Variants in ATP13A1 observed in about 807,000 individuals in gnomAD.
ATP13A1 encodes the protein endoplasmic reticulum transmembrane helix translocase.
ATP13A1 carries 55 observed loss-of-function variants against 134.8 expected under a neutral mutation model. That is an observed-to-expected ratio of 0.41 (90% CI 0.33 to 0.51). The LOEUF (loss-of-function observed/expected upper bound fraction) is 0.51, where lower values mean the gene tolerates loss of function less well. ATP13A1 is among the 20% of genes least tolerant of loss of function. The pLI is 0.29. For missense variants in ATP13A1, 1,389 were observed against 1,652.8 expected (o/e 0.84, Z 2.77); for synonymous variants, 775 against 725.1 (o/e 1.07, Z -1.10).
chr19:19,654,409 G>T, intron 13 of ATP13A1, 134 bp downstream of exon 13: 2 of 1,206,286 alleles, frequency 1.7e-6, no homozygotes, highest in South Asian at 1.6e-5. Flanking sequence ...TGAGCCTCTG[G>T]CCACCCACCT....
chr19:19,651,397 G>A (rs111477856), intron 17 of ATP13A1: 27 of 273,146 alleles, frequency 9.9e-5, no homozygotes, highest in African/African-American at 2.6e-4. Context: ...GGGAGTAAGC[G>A]TGGTAGGAGC....
In ATP13A1 at chr19:19,653,515, G is replaced by C. The variant is rs2062037606; in HGVS notation, c.2100+269C>G. ...GAGGATGCCACCTAGCCCTGCCCAA[G>C]ACCAGGGCAAAAGAGTAGAGCTAGG... On this transcript the variant is annotated intron_variant, in intron 15 of 25. Coordinates refer to ENST00000357324, the MANE Select transcript of ATP13A1 (RefSeq NM_020410.3). This position sits in a 1 kb window ranked among gnomAD's most constrained non-coding sequence, Gnocchi z 4.2. 5.9e-6 allele frequency: 3 copies of C among 511,862 alleles called. No homozygotes were observed. The highest frequency in any genetic ancestry group is 6.8e-5 in the East Asian group (2 of 29,322). The allele number at this position is 511,862 out of a possible 1,614,324, so 31.7% of individuals were successfully genotyped here. A position where few individuals can be genotyped will look rare whatever the true frequency, so the allele number is the denominator to read the frequency against.
chr19:19,659,526 G>C (rs1320610297), intron 3 of ATP13A1, 75 bp downstream of exon 3: 1 of 1,239,976 alleles, frequency 8.1e-7, no homozygotes, highest in East Asian at 2.4e-5. Context: ...CCTCTGTCCC[G>C]CTTCCTAGGC....
rs780048743 is a variant in ATP13A1 at position 19,647,110 on chromosome 19, C to T, written c.3105+19G>A. ...GCAGGCCCATGCATCCCTGGCCTTC[C>T]AGCACCTCTGGGGCCCACCTTGGAA... On this transcript the variant is annotated intron_variant, in intron 22 of 25. Coordinates refer to ENST00000357324, the MANE Select transcript of ATP13A1 (RefSeq NM_020410.3). This position sits in a 1 kb window ranked among gnomAD's most constrained non-coding sequence, Gnocchi z 4.8. The T allele has an allele frequency of 1.6e-4, 252 of 1,600,284 alleles. No homozygotes were observed. Among genetic ancestry groups the T allele is most frequent in the Non-Finnish European group, 2.1e-4 (244 of 1,173,164 alleles).
At chr19:19,658,180 A>C (rs1241125902) in intron 3 of ATP13A1, among the ~76,000 whole-genome samples, 3 of 148,184 alleles carry the variant, frequency 2.0e-5, no homozygotes, top group Admixed American at 6.7e-5. Flanking sequence ...AAAAGGCTCG[A>C]GAATGCAAGG....
intron 1 of ATP13A1, among the ~76,000 whole-genome samples, chr19:19,661,287 C>T (rs2062093096): frequency 6.6e-6 from 1 of 152,166 alleles, no homozygotes; most frequent in Non-Finnish European, 1.5e-5. Flanking sequence ...GCCCCCGCCC[C>T]ATCACAGGCC....
In ATP13A1 at chr19:19,645,402, TG is replaced by T; in HGVS notation, c.*19del. On this transcript the variant is annotated 3_prime_UTR_variant, in exon 26 of 26. Transcript: ENST00000357324. This position sits in a 1 kb window ranked among gnomAD's most constrained non-coding sequence, Gnocchi z 4.1. ...GCCCAGCGGCAGCCAGGGTGGGCAGTGGGTACCAGCACTGCCATCTCAGGAA... is the reference window on the plus strand; with the variant it reads ...GCCCAGCGGCAGCCAGGGTGGGCAGTGGTACCAGCACTGCCATCTCAGGAA... 6.3e-7 allele frequency: 1 copy of T among 1,579,028 alleles called. No homozygotes were observed. Among genetic ancestry groups the T allele is most frequent in the Non-Finnish European group, 8.6e-7 (1 of 1,164,252 alleles).
In ATP13A1 at chr19:19,653,496, G is replaced by A. The variant is rs1282451206; in HGVS notation, c.2100+288C>T. The A allele has an allele frequency of 4.4e-6, 2 of 450,446 alleles. No homozygotes were observed. The highest frequency in any genetic ancestry group is 4.0e-5 in the African/African-American group (2 of 49,920). The allele number at this position is 450,446 out of a possible 1,614,324, so 27.9% of individuals were successfully genotyped here. On this transcript the variant is annotated intron_variant, in intron 15 of 25. Transcript: ENST00000357324. This position sits in a 1 kb window ranked among gnomAD's most constrained non-coding sequence, Gnocchi z 4.2. ...ATGGATGGGTGAGAGGGCTGAGGAT[G>A]CCACCTAGCCCTGCCCAAGACCAGG...
In ATP13A1 at chr19:19,653,361, T is replaced by A; in HGVS notation, c.2100+423A>T. 8.6e-6 allele frequency: 2 copies of A among 231,396 alleles called. No homozygotes were observed. Among genetic ancestry groups the A allele is most frequent in the Non-Finnish European group, 1.7e-5 (2 of 116,166 alleles). 14.3% of individuals were successfully genotyped at this position (231,396 alleles called of 1,614,324 possible). A position where few individuals can be genotyped will look rare whatever the true frequency, so the allele number is the denominator to read the frequency against. ...CACAGTACTGCAACCTGAGGCTAAA[T>A]TCTGGAAGGATCCGCAGCTGTAGGG... On this transcript the variant is annotated intron_variant, in intron 15 of 25. Coordinates refer to ENST00000357324, the MANE Select transcript of ATP13A1 (RefSeq NM_020410.3). The surrounding 1 kb of genome is among the most constrained non-coding windows in gnomAD (Gnocchi z 4.2).
intron 3 of ATP13A1, 63 bp from the exon 4 acceptor site, chr19:19,657,471 C>T (rs2062067106): frequency 2.7e-6 from 4 of 1,475,074 alleles, no homozygotes; most frequent in African/African-American, 2.8e-5. Context: ...GAGTCTCCAC[C>T]CTGACCCCTC....
In ATP13A1 at chr19:19,657,369, C is replaced by T. The variant is rs1184779470; in HGVS notation, c.717G>A (p.Lys239=). The T allele has an allele frequency of 1.0e-5, 16 of 1,573,920 alleles. No individual in the cohort carries two copies. Among genetic ancestry groups the T allele is most frequent in the African/African-American group, 2.7e-5 (2 of 73,932 alleles). ...MVVPDFSELF[K]ERATAPFFVF... ...CAAAGAAGGGGGCTGTGGCTCTCTCCTTGAAAAGCTCCGAGAAGTCAGGCA... is the reference window on the plus strand; with the variant it reads ...CAAAGAAGGGGGCTGTGGCTCTCTCTTTGAAAAGCTCCGAGAAGTCAGGCA... Residue 239 remains lysine, a synonymous_variant, in exon 4 of 26, where the codon AAG becomes AAA. Coordinates refer to ENST00000357324, the MANE Select transcript of ATP13A1 (RefSeq NM_020410.3).
In ATP13A1 at chr19:19,657,107, A is replaced by G. The variant is rs2062064113; in HGVS notation, c.793T>C (p.Tyr265His). 1 of 1,522,374 alleles carries G rather than the reference A, an allele frequency of 6.6e-7. No homozygotes were observed. 94.3% of individuals were successfully genotyped at this position (1,522,374 alleles called of 1,614,324 possible). ...GLWCLDEYWY[Y>H]SVFTLSMLVA... ...AGCATGGATAGCGTAAAGACGCTGT[A>G]GTACCAGTACTCATCCAGGCACCAG... The change falls in exon 5 of 26, where the codon TAC becomes CAC. Residue 265 changes from tyrosine (Y) to histidine (H), a missense_variant. Tyr to His is a moderately conservative substitution (Grantham distance 83). This residue lies in a region of ATP13A1 where 747 missense variants were observed against 956.1 expected (regional missense o/e 0.78). Coordinates refer to ENST00000357324, the MANE Select transcript of ATP13A1 (RefSeq NM_020410.3).
rs1437972315 is a variant in ATP13A1, at chr19:19,654,465, G to A, written c.1813+78C>T. On this transcript the variant is annotated intron_variant, in intron 13 of 25. Transcript: ENST00000357324. ...GGCCTGCCTGTCCCCAAGATGCTCTGAGGGGTGCAGCCCACCTGCCTAGGG... is the reference window on the plus strand; with the variant it reads ...GGCCTGCCTGTCCCCAAGATGCTCTAAGGGGTGCAGCCCACCTGCCTAGGG... 4.7e-6 allele frequency: 7 copies of A among 1,484,018 alleles called. No individual in the cohort carries two copies. In the East Asian group the frequency reaches 1.6e-4, roughly 34 times the overall value. The allele number at this position is 1,484,018 out of a possible 1,614,324, so 91.9% of individuals were successfully genotyped here. A position where few individuals can be genotyped will look rare whatever the true frequency, so the allele number is the denominator to read the frequency against.
chr19:19,653,464 G>A lies in ATP13A1; in HGVS notation c.2100+320C>T. 1 of 401,112 alleles carries A rather than the reference G, an allele frequency of 2.5e-6. No homozygotes were observed. The highest frequency in any genetic ancestry group is 3.7e-5 in the South Asian group (1 of 26,774). 24.8% of individuals were successfully genotyped at this position (401,112 alleles called of 1,614,324 possible). A position where few individuals can be genotyped will look rare whatever the true frequency, so the allele number is the denominator to read the frequency against. ...GTGGTGGAGGCGGAGGGTGGGCTTT[G>A]TGGAGGATGGATGGGTGAGAGGGCT... On this transcript the variant is annotated intron_variant, in intron 15 of 25. Coordinates refer to ENST00000357324, the MANE Select transcript of ATP13A1 (RefSeq NM_020410.3). This position sits in a 1 kb window ranked among gnomAD's most constrained non-coding sequence, Gnocchi z 4.2.
chr19:19,647,807 G>C lies in ATP13A1; in HGVS notation c.2633-48C>G. ...ACCCGGAGGAGCAGGCTCCACGGAG[G>C]GGAAGATTGCTGGCTTCAGAGCCAC... On this transcript the variant is annotated intron_variant, in intron 19 of 25. Transcript: ENST00000357324. The surrounding 1 kb of genome is among the most constrained non-coding windows in gnomAD (Gnocchi z 4.8). The C allele has an allele frequency of 2.6e-6, 4 of 1,532,526 alleles. No homozygotes were observed. The highest frequency in any genetic ancestry group is 3.5e-6 in the Non-Finnish European group (4 of 1,143,674). 94.9% of individuals were successfully genotyped at this position (1,532,526 alleles called of 1,614,324 possible).
At chr19:19,662,174 G>C (rs2062099053) in intron 1 of ATP13A1, 1 of 1,550,306 alleles carries the variant, frequency 6.5e-7, no homozygotes, top group Non-Finnish European at 8.7e-7. Context: ...GGCAGCTGAA[G>C]TTTGAGCGGT....
At chr19:19,662,022 A>C in intron 1 of ATP13A1, 1 of 1,553,190 alleles carries the variant, frequency 6.4e-7, no homozygotes, top group South Asian at 1.2e-5. Context: ...GGAAACTGAA[A>C]CTCAGAGAGC....
intron 3 of ATP13A1, 48 bp from the exon 4 acceptor site, chr19:19,657,456 GTA>G (rs1568429683): frequency 2.6e-6 from 4 of 1,525,784 alleles, no homozygotes; most frequent in Non-Finnish European, 3.5e-6. Flanking sequence ...GGCCTCTGGG[GTA>G]TGGAGTCTCC....
Position 19,663,334 on chromosome 19 carries a change from G to C in ATP13A1, c.333C>G (p.His111Gln). ...AATGCCCCGAGAGGACAGTGAGCGC[G>C]TGCGCGAGGCAGATGGTGGCAAGCA... Reference protein sequence around the residue: ...LLVLATICLAHALTVLSGHWS... With the variant: ...LLVLATICLAQALTVLSGHWS... The change falls in exon 1 of 26, where the codon CAC (histidine) becomes CAG (glutamine). Residue 111 changes from histidine (H) to glutamine (Q), a missense_variant. His to Gln is a conservative substitution (Grantham distance 24, BLOSUM62 0). Around this residue, in one of 4 missense-constraint regions of ATP13A1, gnomAD observed 293 missense variants for 270.8 expected, o/e 1.08. Transcript: ENST00000357324. 1 of 1,592,524 alleles carries C rather than the reference G, an allele frequency of 6.3e-7. No homozygotes were observed. Among genetic ancestry groups the C allele is most frequent in the South Asian group, 1.1e-5 (1 of 87,918 alleles).
Sources: gnomAD v4.1 joint callset for allele counts (sites outside exome capture counted in the v4.1 genomes callset) on GRCh38, gnomAD v4.1.1 for gene constraint, gnomAD v4.1.1 regional missense constraint, Gnocchi (gnomAD v3.1) non-coding constraint, MANE v1.5 for transcripts, NCBI Gene and HGNC (gene_info 2026-07-23, HGNC 2026-07-21) for gene names.